The following TXNDC2 variants were observed in gnomAD, a reference collection of about 807,000 sequenced individuals.
TXNDC2 encodes thioredoxin domain containing 2.
TXNDC2 carries 1 observed loss-of-function variant against 0.4 expected under a neutral mutation model. The ratio of observed to expected loss-of-function variants is 2.30; its 90% CI spans 0.82 to 10.89. The LOEUF is 10.89. Among genes scored for constraint, TXNDC2 ranks in the 30% most tolerant of loss-of-function variants. The probability of loss-of-function intolerance (pLI) is 0.12; values close to 1 mark genes in which losing one functional copy is unlikely to be tolerated. For synonymous variants in TXNDC2, 183 were observed against 224.6 expected, an observed-to-expected ratio of 0.81 and a Z score of 1.66; for missense variants, 509 against 579.8, an observed-to-expected ratio of 0.88 and a Z score of 1.25.
rs781303900 is a variant in TXNDC2 at position 9,887,650 on chromosome 18, A to T, written c.970A>T (p.Lys324Ter). ...CCAGCCCAAGGAGGGTGACATTCCCAAGTCCCTAGAGGAAGCCATCCCACC... is the reference window on the plus strand; with the variant it reads ...CCAGCCCAAGGAGGGTGACATTCCCTAGTCCCTAGAGGAAGCCATCCCACC... ...AIQPKEGDIP[K>*]SLEEAIPPKE... Residue 324 changes from lysine to a stop codon, truncating the protein, a stop_gained, in exon 2 of 2, where the codon AAG becomes TAG. Coordinates refer to ENST00000357775, the MANE Select transcript of TXNDC2 (RefSeq NM_032243.6). LOFTEE classifies it low-confidence loss of function (END_TRUNC). 6.2e-7 allele frequency: 1 copy of T among 1,610,092 alleles called. No individual in the cohort carries two copies. Among genetic ancestry groups the T allele is most frequent in the Non-Finnish European group, 8.5e-7 (1 of 1,178,432 alleles).
At position 9,887,409 on chromosome 18, in the gene TXNDC2, GGAGGGT is replaced by G; in HGVS notation, c.732_737del (p.Glu244_Gly245del). On this transcript the variant is annotated inframe_deletion, in exon 2 of 2. Coordinates refer to ENST00000357775, the MANE Select transcript of TXNDC2 (RefSeq NM_032243.6). Reference sequence around the variant, plus strand: ...CCCTAGAGGAAGCCATCCAGCCCAAGGAGGGTGACATCCCCAAGTCCCCAGAAGAAG... The same window carrying G: ...CCCTAGAGGAAGCCATCCAGCCCAAGGACATCCCCAAGTCCCCAGAAGAAG... 11 of 1,028,696 alleles carry G rather than the reference GGAGGGT, an allele frequency of 1.1e-5. No homozygotes were observed. Among genetic ancestry groups the G allele is most frequent in the Non-Finnish European group, 1.5e-5 (11 of 743,516 alleles). 63.7% of individuals were successfully genotyped at this position (1,028,696 alleles called of 1,614,324 possible).
chr18:9,886,234 A>G, intron 1 of TXNDC2, 154 bp downstream of exon 1: 2 of 1,614,144 alleles, frequency 1.2e-6, no homozygotes, highest in Non-Finnish European at 1.7e-6. Context: ...CTGGAAAACC[A>G]GAAATGAGGC....
chr18:9,887,906 C>T lies in TXNDC2; in HGVS notation c.1226C>T (p.Ser409Leu), dbSNP rs201398146. 1.3e-5 allele frequency: 21 copies of T among 1,613,274 alleles called. No individual in the cohort carries two copies. The highest frequency in any genetic ancestry group is 1.7e-4 in the Middle Eastern group (1 of 6,060). Residue 409 changes from serine (S) to leucine (L), a missense_variant, in exon 2 of 2, where the codon TCG (serine) becomes TTG (leucine). Around this residue, in one of 5 missense-constraint regions of TXNDC2, gnomAD observed 229 missense variants for 243.8 expected, o/e 0.94. Coordinates refer to ENST00000357775, the MANE Select transcript of TXNDC2 (RefSeq NM_032243.6). Reference protein sequence around the residue: ...AGERLVAVDFSATWCGPCRTI... With the variant: ...AGERLVAVDFLATWCGPCRTI... ...GAGAGGCTGGTGGCTGTGGACTTCT[C>T]GGCCACGTGGTGTGGGCCCTGCAGG...
Position 9,887,415 on chromosome 18 carries a change from T to C in TXNDC2, c.735T>C (p.Gly245=). The change falls in exon 2 of 2, where the codon GGT becomes GGC. Residue 245 remains glycine (G), a synonymous_variant. Coordinates refer to ENST00000357775, the MANE Select transcript of TXNDC2 (RefSeq NM_032243.6). Reference sequence around the variant, plus strand: ...AGGAAGCCATCCAGCCCAAGGAGGGTGACATCCCCAAGTCCCCAGAAGAAG... The same window carrying C: ...AGGAAGCCATCCAGCCCAAGGAGGGCGACATCCCCAAGTCCCCAGAAGAAG... The part of the protein sequence containing the change: ...SLEEAIQPKE[G]DIPKSPEEAI... 2 of 1,024,456 alleles carry C rather than the reference T, an allele frequency of 2.0e-6. No individual in the cohort carries two copies. The highest frequency in any genetic ancestry group is 2.0e-5 in the African/African-American group (1 of 51,022). The allele number at this position is 1,024,456 out of a possible 1,614,324, so 63.5% of individuals were successfully genotyped here.
rs763893123 is a variant in TXNDC2 at position 9,887,457 on chromosome 18, G to A, written c.777G>A (p.Glu259=). ...CAGAAGAAGCCATCCAGCCCAAGGAGGGTGACATCCCCAAGTCCCTAGAGG... is the reference window on the plus strand; with the variant it reads ...CAGAAGAAGCCATCCAGCCCAAGGAAGGTGACATCCCCAAGTCCCTAGAGG... ...KSPEEAIQPK[E]GDIPKSLEEA... The change falls in exon 2 of 2, where the codon GAG becomes GAA. Residue 259 remains glutamate (E), a synonymous_variant. Coordinates refer to ENST00000357775, the MANE Select transcript of TXNDC2 (RefSeq NM_032243.6). 3.2e-6 allele frequency: 5 copies of A among 1,539,386 alleles called. No individual in the cohort carries two copies. The highest frequency in any genetic ancestry group is 2.8e-5 in the African/African-American group (2 of 71,588).
At position 9,888,111 on chromosome 18, in the gene TXNDC2, A is replaced by G; in HGVS notation, c.1431A>G (p.Lys477=). Residue 477 remains lysine (K), a synonymous_variant, in exon 2 of 2, where the codon AAA becomes AAG. Coordinates refer to ENST00000357775, the MANE Select transcript of TXNDC2 (RefSeq NM_032243.6). ...VDELCGALKE[K]LEAVIAELK ...AACTTTGCGGCGCCCTTAAGGAAAA[A>G]CTTGAAGCAGTCATTGCAGAATTAA... 1 of 1,613,298 alleles carries G rather than the reference A, an allele frequency of 6.2e-7. No homozygotes were observed. Among genetic ancestry groups the G allele is most frequent in the Non-Finnish European group, 8.5e-7 (1 of 1,179,476 alleles).
rs12605895 is a variant in TXNDC2 at position 9,888,998 on chromosome 18, T to C, written c.*857T>C. 66,020 of 152,060 alleles carry C rather than the reference T, an allele frequency of 0.43. 14,786 individuals are homozygous for C. Among genetic ancestry groups the C allele is most frequent in the East Asian group, 0.82 (4,250 of 5,174 alleles). The allele number at this position is 152,060 out of a possible 1,614,324, so 9.4% of individuals were successfully genotyped here. The stretch of plus-strand genomic sequence containing the variant: ...TTAGACATATAGGCCTAGACTTTAA[T>C]GAATTAACCTAATCACAGTGCTACC... On this transcript the variant is annotated 3_prime_UTR_variant, in exon 2 of 2. Transcript: ENST00000357775.
In TXNDC2 at chr18:9,886,782, G is replaced by A; in HGVS notation, c.102G>A (p.Gln34=). The change falls in exon 2 of 2, where the codon CAG becomes CAA. Residue 34 remains glutamine (Q), a synonymous_variant. Coordinates refer to ENST00000357775, the MANE Select transcript of TXNDC2 (RefSeq NM_032243.6). The part of the protein sequence containing the change: ...KSSANTSHPK[Q]DDSPKSSEET... ...CAGCAAACACCAGCCATCCCAAGCAGGATGACAGCCCCAAGTCCTCAGAAG... is the reference window on the plus strand; with the variant it reads ...CAGCAAACACCAGCCATCCCAAGCAAGATGACAGCCCCAAGTCCTCAGAAG... 6.2e-7 allele frequency: 1 copy of A among 1,614,120 alleles called. No homozygotes were observed. The highest frequency in any genetic ancestry group is 8.5e-7 in the Non-Finnish European group (1 of 1,180,026).
rs1287324527 is a variant in TXNDC2, at chr18:9,887,881, G to C, written c.1201G>C (p.Glu401Gln). The C allele has an allele frequency of 6.2e-7, 1 of 1,612,170 alleles. No individual in the cohort carries two copies. The highest frequency in any genetic ancestry group is 1.7e-5 in the Admixed American group (1 of 59,904). Residue 401 changes from glutamate to glutamine, a missense_variant, in exon 2 of 2, where the codon GAG (glutamate) becomes CAG (glutamine). Glu to Gln is a conservative substitution (Grantham distance 29, BLOSUM62 2). Around this residue, in one of 5 missense-constraint regions of TXNDC2, gnomAD observed 229 missense variants for 243.8 expected, o/e 0.94. Transcript: ENST00000357775. ...DFEASLKEAG[E>Q]RLVAVDFSAT... ...TGAGGCATCACTGAAGGAGGCCGGG[G>C]AGAGGCTGGTGGCTGTGGACTTCTC...
Position 9,887,833 on chromosome 18 carries a change from G to C in TXNDC2, c.1153G>C (p.Val385Leu), listed in dbSNP as rs369844184. The C allele has an allele frequency of 6.2e-6, 10 of 1,610,414 alleles. No individual in the cohort carries two copies. Among genetic ancestry groups the C allele is most frequent in the Non-Finnish European group, 7.6e-6 (9 of 1,177,914 alleles). ...MEFPEGDKVK[V>L]ILSKEDFEAS... ...GTTCCCGGAGGGGGACAAGGTGAAA[G>C]TGATCCTGAGCAAGGAGGACTTTGA... is the stretch of plus-strand genomic sequence containing the variant. Residue 385 changes from valine to leucine, a missense_variant, in exon 2 of 2, where the codon GTG becomes CTG. Physicochemically the swap from Val to Leu is conservative, Grantham distance 32 (BLOSUM62 1). Coordinates refer to ENST00000357775, the MANE Select transcript of TXNDC2 (RefSeq NM_032243.6).
At position 9,887,549 on chromosome 18, in the gene TXNDC2, G is replaced by A. The variant is rs2240906; in HGVS notation, c.869G>A (p.Gly290Asp). ...GAAGAAACCATCCAGCCCAAGAAGGGTGACATCCCCAAGTCCCCAGAAGAA... is the reference window on the plus strand; with the variant it reads ...GAAGAAACCATCCAGCCCAAGAAGGATGACATCCCCAAGTCCCCAGAAGAA... Reference protein sequence around the residue: ...SPEETIQPKKGDIPKSPEEAI... With the variant: ...SPEETIQPKKDDIPKSPEEAI... The change falls in exon 2 of 2, where the codon GGT becomes GAT. Residue 290 changes from glycine (G) to aspartate (D), a missense_variant. This residue lies in a region of TXNDC2 where 229 missense variants were observed against 243.8 expected (regional missense o/e 0.94). Transcript: ENST00000357775. 0.44 allele frequency: 693,085 copies of A among 1,589,680 alleles called. 156,351 individuals are homozygous for A. Among genetic ancestry groups the A allele is most frequent in the East Asian group, 0.81 (35,441 of 43,908 alleles).
intron 1 of TXNDC2, 34 bp downstream of exon 1, chr18:9,886,114 A>T: frequency 2.2e-6 from 3 of 1,378,524 alleles, no homozygotes; most frequent in Non-Finnish European, 3.1e-6. Flanking sequence ...GTTAGGATGG[A>T]TAGCTTGGAA....
rs998992071 is a variant in TXNDC2, at chr18:9,887,821, G to A, written c.1141G>A (p.Asp381Asn). The change falls in exon 2 of 2, where the codon GAC becomes AAC. Residue 381 changes from aspartate (D) to asparagine (N), a missense_variant. By Grantham distance (23) the Asp-to-Asn change is conservative (BLOSUM62 1). Transcript: ENST00000357775. ...EEETMEFPEG[D>N]KVKVILSKED... ...AGAAACAATGGAGTTCCCGGAGGGG[G>A]ACAAGGTGAAAGTGATCCTGAGCAA... The A allele has an allele frequency of 1.9e-6, 3 of 1,611,062 alleles. No individual in the cohort carries two copies. The highest frequency in any genetic ancestry group is 2.5e-6 in the Non-Finnish European group (3 of 1,178,400).
chr18:9,887,635 G>A lies in TXNDC2; in HGVS notation c.955G>A (p.Glu319Lys), dbSNP rs759193912. 2.5e-6 allele frequency: 4 copies of A among 1,607,614 alleles called. No individual in the cohort carries two copies. The highest frequency in any genetic ancestry group is 3.4e-6 in the Non-Finnish European group (4 of 1,177,318). The change falls in exon 2 of 2, where the codon GAG becomes AAG. Residue 319 changes from glutamate (E) to lysine (K), a missense_variant. By Grantham distance (56) the Glu-to-Lys change is moderately conservative. This residue lies in a region of TXNDC2 where 229 missense variants were observed against 243.8 expected (regional missense o/e 0.94). Coordinates refer to ENST00000357775, the MANE Select transcript of TXNDC2 (RefSeq NM_032243.6). Reference protein sequence around the residue: ...KSPKQAIQPKEGDIPKSLEEA... With the variant: ...KSPKQAIQPKKGDIPKSLEEA... ...TCCAAAACAAGCCATCCAGCCCAAG[G>A]AGGGTGACATTCCCAAGTCCCTAGA...
chr18:9,888,388 G>A lies in TXNDC2; in HGVS notation c.*247G>A, dbSNP rs2068975068. On this transcript the variant is annotated 3_prime_UTR_variant, in exon 2 of 2. Transcript: ENST00000357775. ...ATGGTGAAGACTGCTAAGTCCCATG[G>A]TTTCCTATTTTTCAATCTTGATATG... is the stretch of plus-strand genomic sequence containing the variant. 2.5e-6 allele frequency: 1 copy of A among 393,018 alleles called. No individual in the cohort carries two copies. Among genetic ancestry groups the A allele is most frequent in the Non-Finnish European group, 4.5e-6 (1 of 221,494 alleles). 24.3% of individuals were successfully genotyped at this position (393,018 alleles called of 1,614,324 possible).
At position 9,886,767 on chromosome 18, in the gene TXNDC2, C is replaced by T; in HGVS notation, c.87C>T (p.Thr29=). ...GDDLPKSSAN[T]SHPKQDDSPK... Reference sequence around the variant, plus strand: ...ACCTACCCAAGTCCTCAGCAAACACCAGCCATCCCAAGCAGGATGACAGCC... The same window carrying T: ...ACCTACCCAAGTCCTCAGCAAACACTAGCCATCCCAAGCAGGATGACAGCC... The change falls in exon 2 of 2, where the codon ACC becomes ACT. Residue 29 remains threonine, a synonymous_variant. Coordinates refer to ENST00000357775, the MANE Select transcript of TXNDC2 (RefSeq NM_032243.6). 1.2e-6 allele frequency: 2 copies of T among 1,614,116 alleles called. No homozygotes were observed. Among genetic ancestry groups the T allele is most frequent in the Non-Finnish European group, 1.7e-6 (2 of 1,180,022 alleles).
In TXNDC2 at chr18:9,886,570, T is replaced by G. The variant is rs62078799; in HGVS notation, c.-92-19T>G. On this transcript the variant is annotated intron_variant, in intron 1 of 1. Coordinates refer to ENST00000357775, the MANE Select transcript of TXNDC2 (RefSeq NM_032243.6). ...TTTGATTTATTTTATTTTATTTTATTTTATGTTTTTTGGTACAGAAAGCTC... is the reference window on the plus strand; with the variant it reads ...TTTGATTTATTTTATTTTATTTTATGTTATGTTTTTTGGTACAGAAAGCTC... The G allele has an allele frequency of 0.48, 673,465 of 1,411,106 alleles. 163,742 individuals carry two copies. Among genetic ancestry groups the G allele is most frequent in the East Asian group, 0.8 (33,099 of 41,364 alleles). 87.4% of individuals were successfully genotyped at this position (1,411,106 alleles called of 1,614,324 possible).
rs1169559103 is a variant in TXNDC2, at chr18:9,887,097, G to C, written c.417G>C (p.Glu139Asp). ...KSSEEAIQPK[E>D]GDIPKSSAKP... is the part of the protein sequence containing the mutation. Reference sequence around the variant, plus strand: ...CAGAAGAAGCCATCCAGCCCAAAGAGGGTGACATCCCCAAGTCCTCAGCAA... The same window carrying C: ...CAGAAGAAGCCATCCAGCCCAAAGACGGTGACATCCCCAAGTCCTCAGCAA... Residue 139 changes from glutamate to aspartate, a missense_variant, in exon 2 of 2, where the codon GAG becomes GAC. Glu to Asp is a conservative substitution (Grantham distance 45). Around this residue, in one of 5 missense-constraint regions of TXNDC2, gnomAD observed 187 missense variants for 218.0 expected, o/e 0.86. Coordinates refer to ENST00000357775, the MANE Select transcript of TXNDC2 (RefSeq NM_032243.6). 4 of 1,612,456 alleles carry C rather than the reference G, an allele frequency of 2.5e-6. No individual in the cohort carries two copies. Among genetic ancestry groups the C allele is most frequent in the Non-Finnish European group, 3.4e-6 (4 of 1,179,430 alleles).
In TXNDC2 at chr18:9,887,652, G is replaced by A. The variant is rs112364207; in HGVS notation, c.972G>A (p.Lys324=). 11,160 of 1,610,712 alleles carry A rather than the reference G, an allele frequency of 6.9e-3. 61 individuals carry two copies. Among genetic ancestry groups the A allele is most frequent in the Non-Finnish European group, 8.5e-3 (10,061 of 1,179,000 alleles). ...AGCCCAAGGAGGGTGACATTCCCAA[G>A]TCCCTAGAGGAAGCCATCCCACCCA... is the stretch of plus-strand genomic sequence containing the variant. The part of the protein sequence containing the change: ...AIQPKEGDIP[K]SLEEAIPPKE... Residue 324 remains lysine (K), a synonymous_variant, in exon 2 of 2, where the codon AAG becomes AAA. Transcript: ENST00000357775.
Sources: gnomAD v4.1 joint callset for allele counts on GRCh38, gnomAD v4.1.1 for gene constraint, gnomAD v4.1.1 regional missense constraint, MANE v1.5 for transcripts, NCBI Gene and HGNC (gene_info 2026-07-23, HGNC 2026-07-21) for gene names.